The following C6orf58 variants were observed in gnomAD, a reference collection of about 807,000 sequenced individuals.
The protein encoded by C6orf58 is protein LEG1 homolog.
A neutral mutation model predicts 37.0 loss-of-function variants in C6orf58; 30 were observed. The observed-to-expected ratio is 0.81, with a 90% CI of 0.61 to 1.10. C6orf58 has a LOEUF of 1.10. C6orf58 is among the 50% of genes least tolerant of loss of function. C6orf58 has a pLI of 0.00. For missense variants in C6orf58, 368 were observed against 387.5 expected, an observed-to-expected ratio of 0.95 and a Z score of 0.42; for synonymous variants, 143 against 134.1, an observed-to-expected ratio of 1.07 and a Z score of -0.46.
intron 3 of C6orf58, 79 bp from the exon 4 acceptor site, chr6:127,581,103 T>C: frequency 1.7e-6 from 1 of 592,450 alleles, no homozygotes. Flanking sequence ...TGCTAAAATA[T>C]ATCTGAACAT....
chr6:127,591,594 G>A lies in C6orf58; in HGVS notation c.965G>A (p.Ser322Asn). The A allele has an allele frequency of 6.6e-7, 1 of 1,525,234 alleles. No individual in the cohort carries two copies. The allele number at this position is 1,525,234 out of a possible 1,614,324, so 94.5% of individuals were successfully genotyped here. ...SNVYRDHSES[S>N]SRSYGNNS The stretch of plus-strand genomic sequence containing the variant: ...GTATATAGAGATCATTCGGAATCTA[G>A]CTCTAGAAGTTATGGAAATAACTCC... The change falls in exon 6 of 6, where the codon AGC (serine) becomes AAC (asparagine). Residue 322 changes from serine to asparagine, a missense_variant. By Grantham distance (46) the Ser-to-Asn change is conservative. Transcript: ENST00000329722.
chr6:127,581,280 C>G lies in C6orf58; in HGVS notation c.672C>G (p.Asp224Glu). The G allele has an allele frequency of 6.9e-7, 1 of 1,448,778 alleles. No individual in the cohort carries two copies. The highest frequency in any genetic ancestry group is 9.4e-7 in the Non-Finnish European group (1 of 1,063,976). 89.7% of individuals were successfully genotyped at this position (1,448,778 alleles called of 1,614,324 possible). A position where few individuals can be genotyped will look rare whatever the true frequency, so the allele number is the denominator to read the frequency against. The change falls in exon 4 of 6, where the codon GAC (aspartate) becomes GAG (glutamate). Residue 224 changes from aspartate to glutamate, a missense_variant and splice_region_variant. Transcript: ENST00000329722. ...CAGATAATATCAAAAGTTTTGAAGA[C>G]AGGTAAGAATGAATCTTTAAAGTAT... Reference protein sequence around the residue: ...TLADNIKSFEDRYDYYSKAEA... With the variant: ...TLADNIKSFEERYDYYSKAEA...
chr6:127,591,291 G>A (rs180802571), intron 5 of C6orf58, among the ~76,000 whole-genome samples: 131 of 152,004 alleles, frequency 8.6e-4, no homozygotes, highest in African/African-American at 3.0e-3. Flanking sequence ...TATTTTTCTT[G>A]CATAATTTAT....
chr6:127,590,711 C>T (rs72968918), intron 5 of C6orf58, among the ~76,000 whole-genome samples: 3,418 of 151,898 alleles, frequency 0.023, 72 homozygotes, highest in South Asian at 0.049. Context: ...CAAAAGAAAA[C>T]CTGCCATGAT....
chr6:127,577,327 A>G lies in C6orf58; in HGVS notation c.142A>G (p.Ser48Gly). ...GQLSDYRVEN[S>G]MYIINPWVYL... ...GCTCAGTGACTACAGGGTGGAGAAC[A>G]GCATGTACATTATTAATCCCTGGGT... The change falls in exon 1 of 6, where the codon AGC becomes GGC. Residue 48 changes from serine to glycine, a missense_variant. By Grantham distance (56) the Ser-to-Gly change is moderately conservative (BLOSUM62 0). Coordinates refer to ENST00000329722, the MANE Select transcript of C6orf58 (RefSeq NM_001010905.3). The G allele has an allele frequency of 1.2e-6, 2 of 1,613,730 alleles. No individual in the cohort carries two copies. Among genetic ancestry groups the G allele is most frequent in the Non-Finnish European group, 1.7e-6 (2 of 1,179,692 alleles).
chr6:127,581,448 A>T (rs1474663404), intron 4 of C6orf58, among the ~76,000 whole-genome samples, 166 bp downstream of exon 4: 1 of 151,908 alleles, frequency 6.6e-6, no homozygotes, highest in African/African-American at 2.4e-5. Flanking sequence ...TAACATGATC[A>T]GGCTTAAAAA....
intron 4 of C6orf58, among the ~76,000 whole-genome samples, chr6:127,582,872 T>C (rs1583128901): frequency 6.6e-6 from 1 of 152,186 alleles, no homozygotes; most frequent in South Asian, 2.1e-4. Flanking sequence ...CCCACATATA[T>C]GGTTGGTTGT....
chr6:127,580,479 A>T (rs371066364), intron 3 of C6orf58, 30 bp downstream of exon 3: 17 of 1,530,612 alleles, frequency 1.1e-5, no homozygotes, highest in Middle Eastern at 1.7e-4. Context: ...ACGAGATAGG[A>T]AGAGAGTTTA....
At position 127,590,189 on chromosome 6, in the gene C6orf58, A is replaced by T. The variant is rs780530426; in HGVS notation, c.777A>T (p.Ser259=). Residue 259 remains serine, a synonymous_variant, in exon 5 of 6, where the codon TCA becomes TCT. Coordinates refer to ENST00000329722, the MANE Select transcript of C6orf58 (RefSeq NM_001010905.3). ...TCTTTCCTACAACCTTGATTAGATC[A>T]TATAAGTTCCAGAAGGGCATGCCAC... ...AVLFPTTLIR[S]YKFQKGMPPR... The T allele has an allele frequency of 9.4e-5, 151 of 1,613,696 alleles. No individual in the cohort carries two copies. The highest frequency in any genetic ancestry group is 1.3e-4 in the Non-Finnish European group (149 of 1,179,792).
At chr6:127,587,186 G>T (rs1414499840) in intron 4 of C6orf58, among the ~76,000 whole-genome samples, 2 of 151,890 alleles carry the variant, frequency 1.3e-5, no homozygotes, top group East Asian at 1.9e-4. Flanking sequence ...TATTTCTTGT[G>T]TCATTTTTAT....
rs147591074 is a variant in C6orf58 at position 127,583,771 on chromosome 6, G to T, written c.674+2489G>T. On this transcript the variant is annotated intron_variant, in intron 4 of 5. Coordinates refer to ENST00000329722, the MANE Select transcript of C6orf58 (RefSeq NM_001010905.3). ...TTGTTATCAGCTGGTGGGCTGCAAA[G>T]GGCTTCTTTTATCTGGTGAAAATAT... 1.1e-4 allele frequency among the ~76,000 whole-genome samples: 17 copies of T among 152,280 alleles called. 1 individual carries two copies. In the East Asian group the frequency reaches 3.1e-3, roughly 28 times the overall value.
intron 4 of C6orf58, among the ~76,000 whole-genome samples, chr6:127,582,679 A>G (rs1775062931): frequency 6.6e-6 from 1 of 152,166 alleles, no homozygotes; most frequent in Non-Finnish European, 1.5e-5. Context: ...GGAATTTTTT[A>G]CCCAACAATA....
At position 127,581,181 on chromosome 6, in the gene C6orf58, G is replaced by T; in HGVS notation, c.574-1G>T. ...TAATAAATTTGACCTCTTTACCTTA[G>T]TATTTGCAGTCACCTTTTAGTAAGT... On this transcript the variant is annotated splice_acceptor_variant, in intron 3 of 5. Coordinates refer to ENST00000329722, the MANE Select transcript of C6orf58 (RefSeq NM_001010905.3). LOFTEE classifies it high-confidence loss of function. 6.9e-7 allele frequency: 1 copy of T among 1,446,520 alleles called. No individual in the cohort carries two copies. 89.6% of individuals were successfully genotyped at this position (1,446,520 alleles called of 1,614,324 possible). A position where few individuals can be genotyped will look rare whatever the true frequency, so the allele number is the denominator to read the frequency against.
intron 5 of C6orf58, 135 bp downstream of exon 5, chr6:127,590,460 T>C: frequency 3.1e-6 from 2 of 636,324 alleles, no homozygotes; most frequent in Non-Finnish European, 5.5e-6. Context: ...ATCCATTCTA[T>C]TTCTTTAGCA....
At chr6:127,591,352 A>C (rs539211414) in intron 5 of C6orf58, among the ~76,000 whole-genome samples, 191 bp from the exon 6 acceptor site, 1 of 152,168 alleles carries the variant, frequency 6.6e-6, no homozygotes, top group Non-Finnish European at 1.5e-5. Context: ...TTGGTAAGTC[A>C]GGTATTGCCA....
At chr6:127,586,546 G>T (rs1562160888) in intron 4 of C6orf58, among the ~76,000 whole-genome samples, 1 of 152,216 alleles carries the variant, frequency 6.6e-6, no homozygotes, top group Non-Finnish European at 1.5e-5. Flanking sequence ...CTGCACAAAA[G>T]CATCTGAGGT....
intron 4 of C6orf58, among the ~76,000 whole-genome samples, chr6:127,586,381 G>A (rs1320431098): frequency 1.3e-5 from 2 of 152,092 alleles, no homozygotes; most frequent in African/African-American, 4.8e-5. Context: ...CTGCTAGCAG[G>A]TTTCCTACCT....
At chr6:127,590,046 G>A in intron 4 of C6orf58, 41 bp from the exon 5 acceptor site, 3 of 1,381,602 alleles carry the variant, frequency 2.2e-6, no homozygotes, top group Non-Finnish European at 3.1e-6. Flanking sequence ...AACTTCTGAG[G>A]TGACTAATTA....
At position 127,582,168 on chromosome 6, in the gene C6orf58, T is replaced by C. The variant is rs559517610; in HGVS notation, c.674+886T>C. On this transcript the variant is annotated intron_variant, in intron 4 of 5. Coordinates refer to ENST00000329722, the MANE Select transcript of C6orf58 (RefSeq NM_001010905.3). ...ACAAATCAGGACAGTTGACTGATTA[T>C]TTATGTTCTCTTTATGTTTTCATTA... Among the ~76,000 whole-genome samples, 6 of 152,264 alleles carry C rather than the reference T, an allele frequency of 3.9e-5. 1 individual carries two copies. Among genetic ancestry groups the C allele is most frequent in the African/African-American group, 1.4e-4 (6 of 41,562 alleles).
Sources: allele counts gnomAD v4.1 joint callset (sites outside exome capture counted in the v4.1 genomes callset), GRCh38; gene constraint gnomAD v4.1.1; transcripts MANE v1.5; gene names NCBI Gene and HGNC (gene_info 2026-07-23, HGNC 2026-07-21).